The following RIF1 variants were observed in gnomAD, a reference collection of about 807,000 sequenced individuals.
RIF1 encodes the protein replication timing regulatory factor 1.
A neutral mutation model predicts 247.1 loss-of-function variants in RIF1; 45 were observed. That is an observed-to-expected ratio of 0.18 (90% CI 0.14 to 0.23). The LOEUF (loss-of-function observed/expected upper bound fraction) is 0.23, where lower values mean the gene tolerates loss of function less well. Among genes scored for constraint, RIF1 ranks in the 10% least tolerant of loss-of-function variants. The pLI is 1.00. For synonymous variants in RIF1, 1,087 were observed against 978.8 expected (o/e 1.11, Z -2.06); for missense variants, 2,967 against 2,862.5 (o/e 1.04, Z -0.83).
downstream of RIF1, chr2:151,512,832 C>T (rs2153274047): frequency 6.2e-7 from 1 of 1,607,220 alleles, no homozygotes; most frequent in East Asian, 2.2e-5. Flanking sequence ...ATTGCTTATA[C>T]TTAATCTGTA....
At chr2:151,490,231 C>T in intron 9 of RIF1, 2 of 1,194,202 alleles carry the variant, frequency 1.7e-6, no homozygotes, top group Non-Finnish European at 2.3e-6. Flanking sequence ...TTCATGCAGC[C>T]CTCCACAATT....
chr2:151,424,447 T>G (rs1478285572), intron 8 of RIF1, among the ~76,000 whole-genome samples: 1 of 152,194 alleles, frequency 6.6e-6, no homozygotes, highest in Non-Finnish European at 1.5e-5. Context: ...TATATTAAAG[T>G]TGGATTCTTA....
intron 10 of RIF1, among the ~76,000 whole-genome samples, chr2:151,434,731 C>T (rs1034476651): frequency 1.3e-5 from 2 of 152,086 alleles, no homozygotes; most frequent in South Asian, 2.1e-4. Flanking sequence ...TGAGCCACTG[C>T]GCCAGCCTGG....
At position 151,493,787 on chromosome 2, in the gene RIF1, T is replaced by A. The variant is rs898677926; in HGVS notation, c.*416-1442T>A. ...CTTTCTAAAATACCGAGCTAAAGTTTTCTTGATTGCGTTTCACTCTTTCCA... is the reference window on the plus strand; with the variant it reads ...CTTTCTAAAATACCGAGCTAAAGTTATCTTGATTGCGTTTCACTCTTTCCA... On this transcript the variant is annotated intron_variant and NMD_transcript_variant, in intron 9 of 13. Coordinates refer to the RIF1 transcript ENST00000454583. The A allele has an allele frequency of 4.4e-6, 7 of 1,577,208 alleles. No homozygotes were observed. The African/African-American group carries it at 9.4e-5, about 21-fold the overall frequency.
Position 151,457,970 on chromosome 2 carries a change from T to C in RIF1, c.2855+7T>C. 2 of 1,604,986 alleles carry C rather than the reference T, an allele frequency of 1.2e-6. No homozygotes were observed. The highest frequency in any genetic ancestry group is 1.7e-6 in the Non-Finnish European group (2 of 1,172,218). ...TTTATCCTGAAGAGTTAAAGTATGCTAACAACAAAACTTATATACAACTAA... is the reference window on the plus strand; with the variant it reads ...TTTATCCTGAAGAGTTAAAGTATGCCAACAACAAAACTTATATACAACTAA... On this transcript the variant is annotated splice_region_variant and intron_variant, in intron 24 of 35. Coordinates refer to ENST00000444746, the MANE Select transcript of RIF1 (RefSeq NM_018151.5).
chr2:151,438,006 C>T (rs1573989018), intron 13 of RIF1, among the ~76,000 whole-genome samples: 1 of 152,264 alleles, frequency 6.6e-6, no homozygotes, highest in Middle Eastern at 3.4e-3. Flanking sequence ...AAAAGAATCA[C>T]AATGAATCAC....
rs1168333856 is a variant in RIF1, at chr2:151,480,612, T to C, written c.*5541T>C. The C allele has an allele frequency of 1.3e-5, 2 of 152,198 alleles. No individual in the cohort carries two copies. Among genetic ancestry groups the C allele is most frequent in the Non-Finnish European group, 2.9e-5 (2 of 68,022 alleles). 9.4% of individuals were successfully genotyped at this position (152,198 alleles called of 1,614,324 possible). ...CACAAAAGCAGTAAGTTAATAAGTA[T>C]TTCCAACAAAAGGCAGCTTTGTTTC... is the stretch of plus-strand genomic sequence containing the variant. On this transcript the variant is annotated 3_prime_UTR_variant, in exon 36 of 36. Transcript: ENST00000444746.
rs931880321 is a variant in RIF1 at position 151,476,628 on chromosome 2, G to A, written c.*1557G>A. 1 of 152,054 alleles carries A rather than the reference G, an allele frequency of 6.6e-6. No homozygotes were observed. Among genetic ancestry groups the A allele is most frequent in the Non-Finnish European group, 1.5e-5 (1 of 68,018 alleles). 9.4% of individuals were successfully genotyped at this position (152,054 alleles called of 1,614,324 possible). On this transcript the variant is annotated 3_prime_UTR_variant, in exon 36 of 36. Coordinates refer to ENST00000444746, the MANE Select transcript of RIF1 (RefSeq NM_018151.5). ...TCATCATAATCACAGATATTTTTGGGTCTAAGATATTCATATACCAAGGAT... is the reference window on the plus strand; with the variant it reads ...TCATCATAATCACAGATATTTTTGGATCTAAGATATTCATATACCAAGGAT...
chr2:151,505,414 G>T, intron 12 of RIF1: 2 of 1,333,138 alleles, frequency 1.5e-6, no homozygotes, highest in Non-Finnish European at 2.2e-6. Flanking sequence ...AGATGAGAGA[G>T]CACCAGGGTA....
rs754144094 is a variant in RIF1, at chr2:151,494,179, A to T, written c.*416-1050A>T. 2 of 1,607,190 alleles carry T rather than the reference A, an allele frequency of 1.2e-6. No individual in the cohort carries two copies. Among genetic ancestry groups the T allele is most frequent in the East Asian group, 2.2e-5 (1 of 44,776 alleles). ...ACAATACCGAGCTAATGTTTTCTTG[A>T]TTGCGTTTGACTCTCTGCATCTCAG... is the stretch of plus-strand genomic sequence containing the variant. On this transcript the variant is annotated intron_variant and NMD_transcript_variant, in intron 9 of 13. Coordinates refer to the RIF1 transcript ENST00000454583.
rs999774691 is a variant in RIF1, at chr2:151,478,626, A to T, written c.*3555A>T. The stretch of plus-strand genomic sequence containing the variant: ...GTGAGGCAAGAAACAAAATTGGGGG[A>T]AATGGTGGGGATCGTGAATATATAA... On this transcript the variant is annotated 3_prime_UTR_variant, in exon 36 of 36. Coordinates refer to ENST00000444746, the MANE Select transcript of RIF1 (RefSeq NM_018151.5). 6 of 152,046 alleles carry T rather than the reference A, an allele frequency of 3.9e-5. No homozygotes were observed. The highest frequency in any genetic ancestry group is 7.3e-5 in the Non-Finnish European group (5 of 68,036). The allele number at this position is 152,046 out of a possible 1,614,324, so 9.4% of individuals were successfully genotyped here. A position where few individuals can be genotyped will look rare whatever the true frequency, so the allele number is the denominator to read the frequency against.
At chr2:151,512,353 A>T (rs1242233901), downstream of RIF1, among the ~76,000 whole-genome samples, 3 of 149,818 alleles carry the variant, frequency 2.0e-5, no homozygotes, top group Non-Finnish European at 4.4e-5. Flanking sequence ...TTTTTTTAAG[A>T]GTCTCACCCT....
intron 27 of RIF1, among the ~76,000 whole-genome samples, chr2:151,461,930 G>A (rs1460110525): frequency 1.3e-5 from 2 of 152,132 alleles, no homozygotes. Flanking sequence ...CTGGAGTGCA[G>A]TGGCATGATC....
the RIF1 span, chr2:151,518,878 C>A: frequency 1.2e-6 from 1 of 809,996 alleles, no homozygotes; most frequent in Non-Finnish European, 2.1e-6. Context: ...GTATCAGTAG[C>A]AGAGAAGAAG....
intron 16 of RIF1, among the ~76,000 whole-genome samples, chr2:151,442,600 C>T (rs955668931): frequency 6.6e-6 from 1 of 151,938 alleles, no homozygotes; most frequent in African/African-American, 2.4e-5. Flanking sequence ...CTGTTGGTTA[C>T]TGCCATAAAT....
intron 8 of RIF1, among the ~76,000 whole-genome samples, chr2:151,425,533 C>G (rs1045282434): frequency 6.6e-6 from 1 of 151,836 alleles, no homozygotes; most frequent in Admixed American, 6.6e-5. Context: ...GATCTTTGAA[C>G]CATTTTGAGT....
intron 9 of RIF1, among the ~76,000 whole-genome samples, chr2:151,494,795 T>G (rs1165360396): frequency 6.6e-6 from 1 of 152,142 alleles, no homozygotes; most frequent in Non-Finnish European, 1.5e-5. Context: ...ATTACAGGCG[T>G]GCACCACCAT....
intron 11 of RIF1, among the ~76,000 whole-genome samples, chr2:151,502,545 GA>G (rs2065527288): frequency 6.6e-6 from 1 of 152,196 alleles, no homozygotes; most frequent in Non-Finnish European, 1.5e-5. Flanking sequence ...GTTATTAAAG[GA>G]GGAATGGAGG....
At chr2:151,435,353 T>G in intron 10 of RIF1, 110 bp from the exon 11 acceptor site, 1 of 701,776 alleles carries the variant, frequency 1.4e-6, no homozygotes, top group Non-Finnish European at 2.5e-6. Flanking sequence ...AAACGATCTG[T>G]AAAATGGAAT....
Sources: allele counts gnomAD v4.1 joint callset (sites outside exome capture counted in the v4.1 genomes callset), GRCh38; gene constraint gnomAD v4.1.1; transcripts MANE v1.5; gene names NCBI Gene and HGNC (gene_info 2026-07-23, HGNC 2026-07-21).